The following MIPOL1 variants were observed in gnomAD, a reference collection of about 807,000 sequenced individuals.
MIPOL1 encodes the protein mirror-image polydactyly 1.
MIPOL1 carries 57 observed loss-of-function variants against 60.9 expected under a neutral mutation model. That is an observed-to-expected ratio of 0.94 (90% confidence interval 0.76 to 1.17). The LOEUF (loss-of-function observed/expected upper bound fraction) is 1.17. Ranked by LOEUF, MIPOL1 falls within the 50% of genes most tolerant of loss-of-function variation. MIPOL1 has a pLI of 0.00. For missense variants in MIPOL1, 551 were observed against 511.6 expected (o/e 1.08, Z -0.74); for synonymous variants, 179 against 168.8 (o/e 1.06, Z -0.47).
intron 11 of MIPOL1, among the ~76,000 whole-genome samples, chr14:37,490,657 C>T (rs547109489): frequency 6.6e-5 from 10 of 152,286 alleles, no homozygotes; most frequent in African/African-American, 9.6e-5. Context: ...CCAGAATGCA[C>T]GGTTATTCAG....
intron 10 of MIPOL1, among the ~76,000 whole-genome samples, chr14:37,395,679 G>T (rs1302819993): frequency 1.3e-5 from 2 of 152,004 alleles, no homozygotes; most frequent in African/African-American, 4.8e-5. Flanking sequence ...GAGTTTTTGA[G>T]GTAAACAATC....
chr14:37,405,460 A>G lies in MIPOL1; in HGVS notation c.937-17395A>G, dbSNP rs1187176416. Among the ~76,000 whole-genome samples, 3 of 152,236 alleles carry G rather than the reference A, an allele frequency of 2.0e-5. No homozygotes were observed. In the East Asian group the frequency reaches 5.8e-4, roughly 29 times the overall value. ...CGTTTTAATGTCTATATGCCAACTA[A>G]AAGTGTTTAAGAAAACTTAGTGTAT... On this transcript the variant is annotated intron_variant, in intron 10 of 12. Transcript: ENST00000684589.
chr14:37,416,308 C>T (rs960805924), intron 10 of MIPOL1, among the ~76,000 whole-genome samples: 3 of 152,022 alleles, frequency 2.0e-5, no homozygotes, highest in African/African-American at 7.2e-5. Context: ...AGGAATATGA[C>T]ATTTTGTATA....
At chr14:37,397,189 C>A (rs567375402) in intron 10 of MIPOL1, among the ~76,000 whole-genome samples, 2 of 152,200 alleles carry the variant, frequency 1.3e-5, no homozygotes, top group East Asian at 3.9e-4. Flanking sequence ...AGTACTCTCC[C>A]CTTTTCCTAT....
In MIPOL1 at chr14:37,549,494, T is replaced by A. The variant is rs1269727463; in HGVS notation, c.*2523T>A. ...TCATTCTACAGATGAGGAAACAGAC[T>A]CAGTAAGCCTTGGAATTTGCCAAGG... On this transcript the variant is annotated 3_prime_UTR_variant, in exon 13 of 13. Coordinates refer to ENST00000684589, the MANE Select transcript of MIPOL1 (RefSeq NM_001388067.1). 6.6e-6 allele frequency: 1 copy of A among 151,806 alleles called. No homozygotes were observed. The highest frequency in any genetic ancestry group is 2.4e-5 in the African/African-American group (1 of 41,392). 9.4% of individuals were successfully genotyped at this position (151,806 alleles called of 1,614,324 possible). A position where few individuals can be genotyped will look rare whatever the true frequency, so the allele number is the denominator to read the frequency against.
chr14:37,359,953 G>C (rs891443218), intron 9 of MIPOL1, among the ~76,000 whole-genome samples: 3 of 152,042 alleles, frequency 2.0e-5, no homozygotes, highest in Non-Finnish European at 4.4e-5. Context: ...ATTGGCTGTG[G>C]GTTTGTCATA....
chr14:37,453,909 C>G (rs144640482), intron 11 of MIPOL1, among the ~76,000 whole-genome samples: 1 of 152,228 alleles, frequency 6.6e-6, no homozygotes, highest in East Asian at 1.9e-4. Flanking sequence ...TTTCTTTTTT[C>G]ATCTCCCAAA....
chr14:37,448,393 G>C (rs1241389511), intron 11 of MIPOL1, among the ~76,000 whole-genome samples: 1 of 152,168 alleles, frequency 6.6e-6, no homozygotes, highest in Non-Finnish European at 1.5e-5. Context: ...ATTTGTAGTA[G>C]TTTATTTATA....
chr14:37,421,962 A>G (rs2093880274), intron 10 of MIPOL1, among the ~76,000 whole-genome samples: 1 of 152,056 alleles, frequency 6.6e-6, no homozygotes, highest in Non-Finnish European at 1.5e-5. Flanking sequence ...TGTGACAACA[A>G]TTTGCTCTGT....
intron 9 of MIPOL1, among the ~76,000 whole-genome samples, chr14:37,316,525 T>C (rs2087917841): frequency 6.6e-6 from 1 of 150,744 alleles, no homozygotes; most frequent in South Asian, 2.1e-4. Flanking sequence ...CAACTTTTTT[T>C]CCCCCTCCTG....
intron 6 of MIPOL1, among the ~76,000 whole-genome samples, chr14:37,271,845 A>C (rs971709560): frequency 7.9e-5 from 12 of 151,728 alleles, no homozygotes; most frequent in African/African-American, 2.9e-4. Context: ...ATAATTTAAT[A>C]AGATTAGGGT....
chr14:37,425,392 A>G (rs1388469731), intron 11 of MIPOL1, among the ~76,000 whole-genome samples: 5 of 152,212 alleles, frequency 3.3e-5, no homozygotes, highest in African/African-American at 7.2e-5. Context: ...TAAAATCTAC[A>G]TGAGTCTAGT....
At chr14:37,492,088 T>G (rs1243308874) in intron 11 of MIPOL1, among the ~76,000 whole-genome samples, 1 of 152,220 alleles carries the variant, frequency 6.6e-6, no homozygotes, top group African/African-American at 2.4e-5. Flanking sequence ...CTAATCCTTC[T>G]GCCTTGGCCT....
Position 37,445,028 on chromosome 14 carries a change from C to T in MIPOL1, c.1031+22079C>T, listed in dbSNP as rs182451234. 5.8e-4 allele frequency among the ~76,000 whole-genome samples: 88 copies of T among 152,240 alleles called. No individual in the cohort carries two copies. The East Asian group carries it at 0.017, about 29-fold the overall frequency. On this transcript the variant is annotated intron_variant, in intron 11 of 12. Coordinates refer to ENST00000684589, the MANE Select transcript of MIPOL1 (RefSeq NM_001388067.1). ...TGAAAACTGGCACAAGACAGGGATG[C>T]CCTCTCTCACCACTCCTATTCATTA...
chr14:37,411,277 G>A (rs1448165358), intron 10 of MIPOL1, among the ~76,000 whole-genome samples: 1 of 152,092 alleles, frequency 6.6e-6, no homozygotes, highest in Non-Finnish European at 1.5e-5. Context: ...TTGCAATGCA[G>A]TGATGTTACA....
intron 11 of MIPOL1, among the ~76,000 whole-genome samples, chr14:37,452,847 G>T (rs2094437970): frequency 6.6e-6 from 1 of 152,160 alleles, no homozygotes; most frequent in African/African-American, 2.4e-5. Flanking sequence ...TAGGAATAAT[G>T]CCAGAGCCGT....
chr14:37,289,626 G>A (rs1304420558), intron 7 of MIPOL1, among the ~76,000 whole-genome samples: 1 of 152,120 alleles, frequency 6.6e-6, no homozygotes, highest in Non-Finnish European at 1.5e-5. Context: ...GCCCTCCTTG[G>A]GTACACCACC....
At chr14:37,392,451 A>T (rs78852339) in intron 10 of MIPOL1, among the ~76,000 whole-genome samples, 1 of 152,156 alleles carries the variant, frequency 6.6e-6, no homozygotes, top group South Asian at 2.1e-4. Flanking sequence ...GGGATTTTCA[A>T]TGTAATCATG....
chr14:37,509,199 A>G (rs2095306022), intron 12 of MIPOL1, among the ~76,000 whole-genome samples: 1 of 152,148 alleles, frequency 6.6e-6, no homozygotes, highest in East Asian at 1.9e-4. Flanking sequence ...ATCCAGTCTC[A>G]TGTTTCCAAA....
Sources: allele counts gnomAD v4.1 joint callset (sites outside exome capture counted in the v4.1 genomes callset), GRCh38; gene constraint gnomAD v4.1.1; transcripts MANE v1.5; gene names NCBI Gene and HGNC (gene_info 2026-07-23, HGNC 2026-07-21).